Variants in HAPLN1 observed in about 807,000 individuals in gnomAD.
The protein encoded by HAPLN1 is Cartilage link protein.
HAPLN1 carries 13 observed loss-of-function variants against 36.5 expected under a neutral mutation model. The observed-to-expected ratio is 0.36, with a 90% CI of 0.23 to 0.57. The LOEUF (loss-of-function observed/expected upper bound fraction) is 0.57. Among genes scored for constraint, HAPLN1 ranks in the 20% least tolerant of loss-of-function variants. The pLI is 0.83. For missense variants in HAPLN1, 407 were observed against 439.7 expected (o/e 0.93, Z 0.66); for synonymous variants, 202 against 169.8 (o/e 1.19, Z -1.48).
chr5:83,705,387 C>CAAAAAAAAA (rs762927081), intron 1 of HAPLN1, among the ~76,000 whole-genome samples: 62 of 85,378 alleles, frequency 7.3e-4, no homozygotes, highest in East Asian at 3.5e-3. Context: ...TGAAACGTCA[C>CAAAAAAAAA]AAAAAAAAAA....
intron 1 of HAPLN1, chr5:83,703,693 T>C (rs997577109): frequency 3.3e-5 from 5 of 151,954 alleles, no homozygotes; most frequent in African/African-American, 1.2e-4. Flanking sequence ...AAGTATGAGA[T>C]TATGTAAAAA....
rs115057691 is a variant in HAPLN1 at position 83,663,548 on chromosome 5, G to A, written c.100+9876C>T. ...GTGCTGATGATTCCAAAACATTCTT[G>A]CATTATACTTCTTCCTGAGCATGAA... On this transcript the variant is annotated intron_variant, in intron 2 of 4. Transcript: ENST00000274341. Among the ~76,000 whole-genome samples, 1,074 of 152,148 alleles carry A rather than the reference G, an allele frequency of 7.1e-3. 7 individuals carry two copies. Among genetic ancestry groups the A allele is most frequent in the Non-Finnish European group, 0.011 (746 of 68,012 alleles).
intron 1 of HAPLN1, among the ~76,000 whole-genome samples, chr5:83,698,754 C>T (rs1033372787): frequency 1.3e-5 from 2 of 152,106 alleles, no homozygotes; most frequent in African/African-American, 2.4e-5. Flanking sequence ...AAGTAATTTG[C>T]ACAAGGTGCA....
chr5:83,655,805 G>A (rs1272046744), intron 2 of HAPLN1, among the ~76,000 whole-genome samples: 1 of 152,042 alleles, frequency 6.6e-6, no homozygotes, highest in East Asian at 1.9e-4. Context: ...TACCTCATGA[G>A]AATCTTGAGC....
At chr5:83,649,900 A>G (rs926073673) in intron 3 of HAPLN1, among the ~76,000 whole-genome samples, 1 of 152,248 alleles carries the variant, frequency 6.6e-6, no homozygotes, top group South Asian at 2.1e-4. Context: ...AATGTCCTCA[A>G]GTAGATCATG....
intron 1 of HAPLN1, among the ~76,000 whole-genome samples, chr5:83,690,780 A>G (rs1052205575): frequency 1.3e-5 from 2 of 152,066 alleles, no homozygotes; most frequent in Admixed American, 6.6e-5. Context: ...GTGATTATAT[A>G]TTCAGGCATA....
At chr5:83,708,906 A>G in intron 1 of HAPLN1, among the ~76,000 whole-genome samples, 1 of 152,014 alleles carries the variant, frequency 6.6e-6, no homozygotes, top group East Asian at 1.9e-4. Context: ...TTTGAGACAC[A>G]GTCTCTGTCA....
chr5:83,642,195 A>C (rs1473477605), intron 4 of HAPLN1, among the ~76,000 whole-genome samples: 1 of 152,202 alleles, frequency 6.6e-6, no homozygotes, highest in Non-Finnish European at 1.5e-5. Context: ...TTGAATGTGA[A>C]AGGATCAAAA....
intron 1 of HAPLN1, among the ~76,000 whole-genome samples, chr5:83,689,039 A>G (rs1168288154): frequency 6.6e-6 from 1 of 152,232 alleles, no homozygotes; most frequent in African/African-American, 2.4e-5. Context: ...AATTCCATTT[A>G]GAATGAACTT....
At chr5:83,698,279 G>C (rs755965875) in intron 1 of HAPLN1, among the ~76,000 whole-genome samples, 14 of 150,738 alleles carry the variant, frequency 9.3e-5, no homozygotes, top group Non-Finnish European at 1.9e-4. Flanking sequence ...TCTGCTGCCA[G>C]ACATACTGGA....
chr5:83,687,233 G>C (rs1157492048), intron 1 of HAPLN1, among the ~76,000 whole-genome samples: 1 of 152,158 alleles, frequency 6.6e-6, no homozygotes, highest in Non-Finnish European at 1.5e-5. Flanking sequence ...TTTTCTCTCA[G>C]TATATAGTGA....
At chr5:83,679,218 G>A (rs1750937458) in intron 1 of HAPLN1, among the ~76,000 whole-genome samples, 1 of 152,042 alleles carries the variant, frequency 6.6e-6, no homozygotes, top group African/African-American at 2.4e-5. Flanking sequence ...ACTGCTTTTT[G>A]GAGTATCACT....
At chr5:83,671,038 G>A (rs1271590473) in intron 2 of HAPLN1, among the ~76,000 whole-genome samples, 1 of 151,844 alleles carries the variant, frequency 6.6e-6, no homozygotes, top group East Asian at 1.9e-4. Context: ...ACTTTTTTGT[G>A]TGTGTCTATA....
chr5:83,645,651 T>G (rs1414273107), intron 3 of HAPLN1, among the ~76,000 whole-genome samples: 1 of 152,028 alleles, frequency 6.6e-6, no homozygotes, highest in Non-Finnish European at 1.5e-5. Context: ...TATTTCAGAT[T>G]AATAAGACAG....
At chr5:83,663,409 T>G (rs1420792154) in intron 2 of HAPLN1, among the ~76,000 whole-genome samples, 1 of 152,186 alleles carries the variant, frequency 6.6e-6, no homozygotes, top group African/African-American at 2.4e-5. Flanking sequence ...TTATCCCACC[T>G]GTCGGTATTG....
chr5:83,707,445 C>A (rs1751679019), intron 1 of HAPLN1, among the ~76,000 whole-genome samples: 1 of 152,192 alleles, frequency 6.6e-6, no homozygotes, highest in South Asian at 2.1e-4. Context: ...CTATGACCGT[C>A]TGATCTTTGA....
intron 2 of HAPLN1, among the ~76,000 whole-genome samples, chr5:83,656,082 C>A (rs1463425724): frequency 6.6e-6 from 1 of 152,048 alleles, no homozygotes; most frequent in Admixed American, 6.5e-5. Context: ...AATCCCAGCA[C>A]TTTGGGAGGC....
intron 2 of HAPLN1, among the ~76,000 whole-genome samples, chr5:83,669,593 A>G (rs891941910): frequency 7.9e-5 from 12 of 152,190 alleles, no homozygotes; most frequent in African/African-American, 2.9e-4. Flanking sequence ...AACTTATAAA[A>G]TGTTTACTTT....
chr5:83,706,624 A>T (rs1306558043), intron 1 of HAPLN1, among the ~76,000 whole-genome samples: 1 of 152,210 alleles, frequency 6.6e-6, no homozygotes, highest in East Asian at 1.9e-4. Flanking sequence ...AGTCAACATT[A>T]TACTGAATGG....
Sources: allele counts gnomAD v4.1 joint callset (sites outside exome capture counted in the v4.1 genomes callset), GRCh38; gene constraint gnomAD v4.1.1; transcripts MANE v1.5; gene names NCBI Gene and HGNC (gene_info 2026-07-23, HGNC 2026-07-21).